The following LINGO1 variants were observed in gnomAD, a reference collection of about 807,000 sequenced individuals.
The protein encoded by LINGO1 is leucine rich repeat and Ig domain containing 1, also known as leucine-rich repeat and immunoglobulin-like domain-containing nogo receptor-interacting protein 1.
In LINGO1, 11 loss-of-function variants were observed where a neutral mutation model predicts 37.3. The observed-to-expected ratio is 0.29, with a 90% CI of 0.19 to 0.49. The LOEUF (loss-of-function observed/expected upper bound fraction) is 0.49. Among genes scored for constraint, LINGO1 ranks in the 20% least tolerant of loss-of-function variants. LINGO1 has a pLI of 0.99. For missense variants in LINGO1, 585 were observed against 878.2 expected, an observed-to-expected ratio of 0.67 and a Z score of 4.22; for synonymous variants, 387 against 403.0, an observed-to-expected ratio of 0.96 and a Z score of 0.48.
At chr15:77,644,087 T>C (rs2074568997) in intron 3 of LINGO1, among the ~76,000 whole-genome samples, 1 of 152,206 alleles carries the variant, frequency 6.6e-6, no homozygotes, top group African/African-American at 2.4e-5. Context: ...TGAATCTAGC[T>C]GGGGCAGCGG....
intron 2 of LINGO1, among the ~76,000 whole-genome samples, chr15:77,704,054 C>T (rs2075818133): frequency 6.6e-6 from 1 of 152,168 alleles, no homozygotes; most frequent in South Asian, 2.1e-4. Flanking sequence ...CAGAAAGACA[C>T]TTTATCTTTT....
In LINGO1 at chr15:77,615,542, C is replaced by T. The variant is rs188738703; in HGVS notation, c.365G>A (p.Arg122Gln). Residue 122 changes from arginine to glutamine, a missense_variant, in exon 2 of 2, where the codon CGG (arginine) becomes CAG (glutamine). Physicochemically the swap from Arg to Gln is conservative, Grantham distance 43. Coordinates refer to ENST00000355300, the MANE Select transcript of LINGO1 (RefSeq NM_032808.7). The part of the protein sequence containing the change: ...PGAFNNLFNL[R>Q]TLGLRSNRLK... ...GCGGTTGCTGCGGAGACCCAGCGTC[C>T]GGAGGTTGAAGAGGTTGTTGAAGGC... The T allele has an allele frequency of 7.1e-5, 115 of 1,613,444 alleles. No individual in the cohort carries two copies. Among genetic ancestry groups the T allele is most frequent in the Non-Finnish European group, 8.9e-5 (105 of 1,179,636 alleles).
At position 77,810,545 on chromosome 15, in the gene LINGO1, A is replaced by C. The variant is rs546496569; in HGVS notation, c.-458+9713T>G. On this transcript the variant is annotated intron_variant, in intron 1 of 5. Coordinates refer to the LINGO1 transcript ENST00000562933. The stretch of plus-strand genomic sequence containing the variant: ...AGCCCATGTGGCCTGGAAGCAGAGG[A>C]TCCTGGGACTGAGAAGCCAGATGCC... 3.1e-3 allele frequency among the ~76,000 whole-genome samples: 471 copies of C among 152,274 alleles called. 2 individuals are homozygous for C. Among genetic ancestry groups the C allele is most frequent in the African/African-American group, 0.01 (436 of 41,540 alleles).
Position 77,708,241 on chromosome 15 carries a change from T to C in LINGO1, c.-194-17340A>G, listed in dbSNP as rs367875505. The stretch of plus-strand genomic sequence containing the variant: ...AAGGCAAGAAGAGCAGGAGGGTGGA[T>C]GGCAAGCCCTGGGAAGGAGGACAGA... On this transcript the variant is annotated intron_variant, in intron 2 of 3. Transcript: ENST00000561686. Among the ~76,000 whole-genome samples the C allele has an allele frequency of 9.2e-5, 14 of 152,286 alleles. No individual in the cohort carries two copies. In the East Asian group the frequency reaches 2.7e-3, roughly 29 times the overall value.
chr15:77,732,644 G>A (rs2076164283), intron 2 of LINGO1, among the ~76,000 whole-genome samples: 3 of 152,234 alleles, frequency 2.0e-5, no homozygotes, highest in African/African-American at 7.2e-5. Flanking sequence ...GCTCGAGTGT[G>A]GCTTCCCCTC....
At chr15:77,794,674 A>G (rs1399766280) in intron 2 of LINGO1, among the ~76,000 whole-genome samples, 1 of 142,702 alleles carries the variant, frequency 7.0e-6, no homozygotes, top group Non-Finnish European at 1.5e-5. Context: ...TGCAAGCTCC[A>G]CCTCCCGGGT....
At chr15:77,796,422 C>T (rs931288554) in intron 1 of LINGO1, among the ~76,000 whole-genome samples, 2 of 152,244 alleles carry the variant, frequency 1.3e-5, no homozygotes, top group South Asian at 2.1e-4. Context: ...CACCATCCGG[C>T]TCTGTGGCCC....
intron 1 of LINGO1, among the ~76,000 whole-genome samples, chr15:77,818,828 C>T (rs2077070168): frequency 6.6e-6 from 1 of 151,688 alleles, no homozygotes; most frequent in Non-Finnish European, 1.5e-5. Context: ...AGAGAGCGGG[C>T]GGCTGCGCGA....
At chr15:77,668,155 G>C (rs1459323845) in intron 3 of LINGO1, 1 of 152,392 alleles carries the variant, frequency 6.6e-6, no homozygotes, top group Non-Finnish European at 1.5e-5. Context: ...TGGTGCAAAT[G>C]CAGGGGCTTC....
At chr15:77,762,353 C>T (rs1207444990) in intron 1 of LINGO1, among the ~76,000 whole-genome samples, 1 of 152,240 alleles carries the variant, frequency 6.6e-6, no homozygotes, top group Admixed American at 6.5e-5. Flanking sequence ...AATACAGAGT[C>T]TCATAGCTCC....
chr15:77,777,285 C>T lies in LINGO1; in HGVS notation c.-257+9584G>A, dbSNP rs1044934877. 1.4e-4 allele frequency among the ~76,000 whole-genome samples: 21 copies of T among 152,040 alleles called. 1 individual carries two copies. The highest frequency in any genetic ancestry group is 1.1e-3 in the Admixed American group (17 of 15,272). On this transcript the variant is annotated intron_variant, in intron 1 of 3. Coordinates refer to the LINGO1 transcript ENST00000561686. The stretch of plus-strand genomic sequence containing the variant: ...ATGGTGGGGGGGTCCAACCCCATCA[C>T]TGTAGGCCTTCTGACTTCACACGCC...
At chr15:77,691,674 G>A (rs780905004) in intron 1 of LINGO1, among the ~76,000 whole-genome samples, 7 of 152,014 alleles carry the variant, frequency 4.6e-5, no homozygotes, top group Admixed American at 2.0e-4. Context: ...GCACAGAGCC[G>A]TTATTTATAA....
At chr15:77,620,975 C>T (rs1193218806) in intron 1 of LINGO1, among the ~76,000 whole-genome samples, 3 of 152,160 alleles carry the variant, frequency 2.0e-5, no homozygotes, top group Non-Finnish European at 4.4e-5. Flanking sequence ...GCATCCTCTA[C>T]AGGCTCATCC....
chr15:77,756,407 A>C (rs2076418912), intron 1 of LINGO1, among the ~76,000 whole-genome samples: 1 of 152,086 alleles, frequency 6.6e-6, no homozygotes, highest in African/African-American at 2.4e-5. Flanking sequence ...CATACACACA[A>C]CACACACAAT....
rs1180875809 is a variant in LINGO1 at position 77,794,571 on chromosome 15, C to CAT, written c.-343+1366_-343+1367dup. On this transcript the variant is annotated intron_variant, in intron 2 of 5. Transcript: ENST00000562933. ...ATATATGTGTATATATACACACACACATATATATATATATATATATTTTTT... is the reference window on the plus strand; with the variant it reads ...ATATATGTGTATATATACACACACACATATATATATATATATATATATTTTTT... 4.8e-3 allele frequency among the ~76,000 whole-genome samples: 210 copies of CAT among 43,320 alleles called. 6 individuals carry two copies. The highest frequency in any genetic ancestry group is 0.019 in the Middle Eastern group (1 of 54). 28.4% of individuals were successfully genotyped at this position (43,320 alleles called of 152,430 possible).
At chr15:77,642,361 C>G (rs891620295) in intron 3 of LINGO1, among the ~76,000 whole-genome samples, 1 of 152,204 alleles carries the variant, frequency 6.6e-6, no homozygotes, top group Admixed American at 6.5e-5. Context: ...TCAGAGCTGC[C>G]AACAGGGAGA....
rs1055507177 is a variant in LINGO1, at chr15:77,785,309, C to T, written c.-257+1560G>A. Among the ~76,000 whole-genome samples, 4 of 152,184 alleles carry T rather than the reference C, an allele frequency of 2.6e-5. No homozygotes were observed. The South Asian group carries it at 6.2e-4, about 24-fold the overall frequency. On this transcript the variant is annotated intron_variant, in intron 1 of 3. Coordinates refer to the LINGO1 transcript ENST00000561686. ...CTAGTTCACACATTTTGGCTGAAGG[C>T]GGCCCGCAGGCTGATCTCCACAGGT... is the stretch of plus-strand genomic sequence containing the variant.
chr15:77,817,557 T>G (rs562563819), intron 1 of LINGO1, among the ~76,000 whole-genome samples: 2 of 152,298 alleles, frequency 1.3e-5, no homozygotes, highest in African/African-American at 4.8e-5. Context: ...TGACAGCCTC[T>G]GGCCCCAAAT....
intron 1 of LINGO1, among the ~76,000 whole-genome samples, chr15:77,817,383 G>A (rs975021635): frequency 1.3e-5 from 2 of 152,212 alleles, no homozygotes; most frequent in Non-Finnish European, 2.9e-5. Flanking sequence ...CTAGGATGGA[G>A]AGGGTAGGAA....
Sources: allele counts gnomAD v4.1 joint callset (sites outside exome capture counted in the v4.1 genomes callset), GRCh38; gene constraint gnomAD v4.1.1; transcripts MANE v1.5; gene names NCBI Gene and HGNC (gene_info 2026-07-23, HGNC 2026-07-21).